Variants in IMMT observed in about 807,000 individuals in gnomAD.
IMMT encodes inner membrane mitochondrial protein.
A neutral mutation model predicts 92.7 loss-of-function variants in IMMT; 40 were observed. That is an observed-to-expected ratio of 0.43 (90% CI 0.34 to 0.56). The LOEUF is 0.56. IMMT is among the 20% of genes least tolerant of loss of function. The pLI is 0.03. For synonymous variants in IMMT, 322 were observed against 336.1 expected, an observed-to-expected ratio of 0.96 and a Z score of 0.46; for missense variants, 831 against 912.1, an observed-to-expected ratio of 0.91 and a Z score of 1.14.
chr2:86,162,154 A>G lies in IMMT; in HGVS notation c.793-75T>C, dbSNP rs1033759468. 31 of 857,174 alleles carry G rather than the reference A, an allele frequency of 3.6e-5. No homozygotes were observed. In the African/African-American group the frequency reaches 4.6e-4, roughly 13 times the overall value. The allele number at this position is 857,174 out of a possible 1,614,324, so 53.1% of individuals were successfully genotyped here. A position where few individuals can be genotyped will look rare whatever the true frequency, so the allele number is the denominator to read the frequency against. ...ATGATAGGCCAACAAGATTGAACAC[A>G]GAAACATGTGACATTAAATTCAAAG... On this transcript the variant is annotated intron_variant, in intron 7 of 14. Coordinates refer to ENST00000410111, the MANE Select transcript of IMMT (RefSeq NM_006839.3).
At chr2:86,177,621 A>C (rs1271608108) in intron 3 of IMMT, among the ~76,000 whole-genome samples, 1 of 152,124 alleles carries the variant, frequency 6.6e-6, no homozygotes, top group African/African-American at 2.4e-5. Flanking sequence ...AAAAAGAAAA[A>C]AATTTTAAGG....
In IMMT at chr2:86,145,138, CATATT is replaced by C. The variant is rs543829934; in HGVS notation, c.1664-262_1664-258del. Reference sequence around the variant, plus strand: ...TTACCTTTACTAGTTGAGAAAGAAACATATTATTTAAATTAGGCTAAGACTTAACG... The same window carrying C: ...TTACCTTTACTAGTTGAGAAAGAAACATTTAAATTAGGCTAAGACTTAACG... On this transcript the variant is annotated intron_variant, in intron 14 of 14. Transcript: ENST00000410111. Among the ~76,000 whole-genome samples the C allele has an allele frequency of 4.8e-3, 731 of 151,896 alleles. 5 individuals are homozygous for C. Among genetic ancestry groups the C allele is most frequent in the Non-Finnish European group, 6.5e-3 (443 of 67,984 alleles).
At chr2:86,173,620 T>C (rs1246960695) in intron 4 of IMMT, 30 bp downstream of exon 4, 1 of 1,246,956 alleles carries the variant, frequency 8.0e-7, no homozygotes, top group East Asian at 2.4e-5. Flanking sequence ...TTACCTATAA[T>C]TTTAAAAAGA....
intron 4 of IMMT, 87 bp from the exon 5 acceptor site, chr2:86,171,432 C>A: frequency 1.6e-6 from 2 of 1,223,782 alleles, no homozygotes; most frequent in Non-Finnish European, 2.4e-6. Flanking sequence ...TCACCACCCA[C>A]TTCACATCTG....
chr2:86,154,602 T>C (rs987636239), intron 10 of IMMT, among the ~76,000 whole-genome samples: 1 of 152,240 alleles, frequency 6.6e-6, no homozygotes, highest in African/African-American at 2.4e-5. Context: ...ACATTTCAGA[T>C]ACTTAATACA....
intron 1 of IMMT, among the ~76,000 whole-genome samples, chr2:86,189,368 G>A (rs1374874254): frequency 1.3e-5 from 2 of 151,982 alleles, no homozygotes; most frequent in African/African-American, 4.8e-5. Context: ...CCGGGCAGCT[G>A]GGATTACAGG....
chr2:86,154,561 ACT>A (rs202066407), intron 10 of IMMT, among the ~76,000 whole-genome samples: 1,839 of 152,162 alleles, frequency 0.012, 43 homozygotes, highest in African/African-American at 0.041. Context: ...CACAGTTTTG[ACT>A]CTCTGTTCAC....
At chr2:86,145,474 G>A (rs1400517637) in intron 14 of IMMT, among the ~76,000 whole-genome samples, 12 of 129,180 alleles carry the variant, frequency 9.3e-5, no homozygotes, top group South Asian at 5.0e-4. Context: ...TACCCTGGGC[G>A]ACAGAGCAAG....
At chr2:86,178,453 C>T (rs1370069453) in intron 3 of IMMT, among the ~76,000 whole-genome samples, 2 of 151,858 alleles carry the variant, frequency 1.3e-5, no homozygotes, top group East Asian at 1.9e-4. Flanking sequence ...GGTAAAACCC[C>T]GTCCCTACTA....
In IMMT at chr2:86,161,972, T is replaced by G; in HGVS notation, c.896+4A>C. 6.3e-7 allele frequency: 1 copy of G among 1,578,358 alleles called. No individual in the cohort carries two copies. Among genetic ancestry groups the G allele is most frequent in the Non-Finnish European group, 8.6e-7 (1 of 1,158,746 alleles). On this transcript the variant is annotated splice_donor_region_variant and intron_variant, in intron 8 of 14. Transcript: ENST00000410111. ...ATTACTTGTTAAAGTCCATGAGTAA[T>G]TACTTGGCTTTGAGAAGGGCATCGG...
In IMMT at chr2:86,158,736, A is replaced by T; in HGVS notation, c.1033-15T>A. ...GCTGCTTGGACCTGAGCAAATACACAGGGTATGTGATTAAATTGAACAAAA... is the reference window on the plus strand; with the variant it reads ...GCTGCTTGGACCTGAGCAAATACACTGGGTATGTGATTAAATTGAACAAAA... On this transcript the variant is annotated splice_polypyrimidine_tract_variant and intron_variant, in intron 9 of 14. Transcript: ENST00000410111. The T allele has an allele frequency of 6.3e-7, 1 of 1,579,152 alleles. No individual in the cohort carries two copies. The highest frequency in any genetic ancestry group is 8.7e-7 in the Non-Finnish European group (1 of 1,155,514).
At chr2:86,191,747 C>CA (rs572412565) in intron 1 of IMMT, among the ~76,000 whole-genome samples, 33,108 of 115,348 alleles carry the variant, frequency 0.29, 4,741 homozygotes, top group East Asian at 0.49. Flanking sequence ...ACTAAAAATA[C>CA]AAAAAAAAAA....
At chr2:86,146,566 T>C (rs1675031853) in intron 13 of IMMT, among the ~76,000 whole-genome samples, 1 of 152,084 alleles carries the variant, frequency 6.6e-6, no homozygotes, top group Admixed American at 6.6e-5. Flanking sequence ...GGTTTCACCA[T>C]GTTGGCCAGG....
chr2:86,167,965 A>C (rs1676834057), intron 6 of IMMT, among the ~76,000 whole-genome samples: 1 of 152,222 alleles, frequency 6.6e-6, no homozygotes, highest in Non-Finnish European at 1.5e-5. Flanking sequence ...TTTAAACAAC[A>C]ATCGTAACAG....
At chr2:86,152,440 C>CAAAAAAAAAAAAAAAA (rs772186185) in intron 11 of IMMT, among the ~76,000 whole-genome samples, 17 of 76,840 alleles carry the variant, frequency 2.2e-4, no homozygotes, top group African/African-American at 8.6e-4. Flanking sequence ...GACTCCATCT[C>CAAAAAAAAAAAAAAAA]AAAAAAAAAA....
intron 12 of IMMT, among the ~76,000 whole-genome samples, chr2:86,149,604 A>T (rs1425678721): frequency 6.6e-6 from 1 of 152,192 alleles, no homozygotes; most frequent in African/African-American, 2.4e-5. Context: ...AAGGCCGGGC[A>T]TGGTACCTCA....
intron 7 of IMMT, among the ~76,000 whole-genome samples, chr2:86,164,319 A>G (rs1676512483): frequency 6.6e-6 from 1 of 150,940 alleles, no homozygotes; most frequent in African/African-American, 2.4e-5. Flanking sequence ...AGCCTCCCAC[A>G]GTGCTGGGAT....
chr2:86,153,692 A>C, intron 10 of IMMT, 118 bp from the exon 11 acceptor site: 1 of 540,198 alleles, frequency 1.9e-6, no homozygotes, highest in Non-Finnish European at 3.2e-6. Context: ...GTACCAGGAA[A>C]AGCTATTTTA....
chr2:86,186,711 A>G (rs1672797092), intron 1 of IMMT, among the ~76,000 whole-genome samples: 1 of 152,192 alleles, frequency 6.6e-6, no homozygotes, highest in African/African-American at 2.4e-5. Flanking sequence ...AGACCTAGTA[A>G]CTATCTGACT....
Sources: gnomAD v4.1 joint callset for allele counts (sites outside exome capture counted in the v4.1 genomes callset) on GRCh38, gnomAD v4.1.1 for gene constraint, MANE v1.5 for transcripts, NCBI Gene and HGNC (gene_info 2026-07-23, HGNC 2026-07-21) for gene names.